Variants in ATIC observed in about 807,000 individuals in gnomAD.
ATIC encodes 5-aminoimidazole-4-carboxamide ribonucleotide formyltransferase/IMP cyclohydrolase.
Under a neutral mutation model 72.5 loss-of-function variants are expected in ATIC, and 64 were observed. That is an observed-to-expected ratio of 0.88 (90% CI 0.72 to 1.09). ATIC has a LOEUF of 1.09. ATIC is among the 50% of genes least tolerant of loss of function. ATIC has a pLI of 0.00. For missense variants in ATIC, 787 were observed against 732.4 expected, an observed-to-expected ratio of 1.07 and a Z score of -0.86; for synonymous variants, 281 against 267.1, an observed-to-expected ratio of 1.05 and a Z score of -0.51.
intron 12 of ATIC, among the ~76,000 whole-genome samples, chr2:215,339,943 T>A (rs2053001060): frequency 6.6e-6 from 1 of 151,862 alleles, no homozygotes; most frequent in South Asian, 2.1e-4. Flanking sequence ...GCCTTTATTA[T>A]TTTTTTTAAG....
chr2:215,328,140 C>T (rs2052850147), intron 7 of ATIC, among the ~76,000 whole-genome samples: 1 of 151,996 alleles, frequency 6.6e-6, no homozygotes, highest in African/African-American at 2.4e-5. Context: ...TCCCAGAGTG[C>T]TGGGATTACA....
Position 215,349,597 on chromosome 2 carries a change from C to A in ATIC, c.1721C>A (p.Ala574Asp), listed in dbSNP as rs764492905. 3.7e-6 allele frequency: 6 copies of A among 1,614,036 alleles called. No individual in the cohort carries two copies. Among genetic ancestry groups the A allele is most frequent in the Admixed American group, 1.7e-5 (1 of 59,994 alleles). The change falls in exon 16 of 16, where the codon GCC becomes GAC. Residue 574 changes from alanine (A) to aspartate (D), a missense_variant. Ala to Asp is a moderately radical substitution (Grantham distance 126). Coordinates refer to ENST00000236959, the MANE Select transcript of ATIC (RefSeq NM_004044.7). ...GSAADKVVIE[A>D]CDELGIILAH... ...GCTGCTGACAAAGTTGTGATTGAGG[C>A]CTGCGACGAACTGGGAATCATCCTC... is the stretch of plus-strand genomic sequence containing the variant.
At chr2:215,317,396 G>T (rs775061099) in intron 2 of ATIC, among the ~76,000 whole-genome samples, 3 of 152,070 alleles carry the variant, frequency 2.0e-5, no homozygotes, top group Non-Finnish European at 4.4e-5. Flanking sequence ...ATATATTTTT[G>T]TTTGGGTTTA....
chr2:215,342,782 C>T (rs1311345454), intron 12 of ATIC, among the ~76,000 whole-genome samples: 1 of 152,066 alleles, frequency 6.6e-6, no homozygotes, highest in Non-Finnish European at 1.5e-5. Flanking sequence ...CGGGTTCAAG[C>T]GATTCTCCTG....
intron 13 of ATIC, 116 bp from the exon 14 acceptor site, chr2:215,346,643 C>G (rs2053073291): frequency 8.4e-7 from 1 of 1,191,078 alleles, no homozygotes; most frequent in Admixed American, 1.7e-5. Context: ...TTATTTTGGC[C>G]TGATATGTTC....
the ATIC span, chr2:215,360,756 T>G: frequency 6.6e-6 from 1 of 152,632 alleles, no homozygotes; most frequent in Non-Finnish European, 1.5e-5. Context: ...AATCAACAAT[T>G]AGACTTGCAC....
chr2:215,327,403 G>T (rs2052841052), intron 7 of ATIC, among the ~76,000 whole-genome samples: 1 of 152,200 alleles, frequency 6.6e-6, no homozygotes, highest in Non-Finnish European at 1.5e-5. Context: ...TGCACATATT[G>T]TAAGAAGCCG....
chr2:215,339,838 G>A (rs1386380205), intron 12 of ATIC, among the ~76,000 whole-genome samples: 1 of 151,980 alleles, frequency 6.6e-6, no homozygotes, highest in Non-Finnish European at 1.5e-5. Flanking sequence ...GTGTTTCACT[G>A]TGTTAGCCAG....
At chr2:215,340,052 C>A (rs915820158) in intron 12 of ATIC, among the ~76,000 whole-genome samples, 1 of 152,088 alleles carries the variant, frequency 6.6e-6, no homozygotes, top group African/African-American at 2.4e-5. Context: ...TGCAGTGGTG[C>A]GATCATAGCT....
At chr2:215,365,008 T>C in the ATIC span, 9 of 1,447,086 alleles carry the variant, frequency 6.2e-6, no homozygotes, top group East Asian at 1.4e-4. Flanking sequence ...ACAAGACAGA[T>C]GCACGCATAA....
intron 2 of ATIC, among the ~76,000 whole-genome samples, chr2:215,317,470 A>T (rs1559266210): frequency 1.3e-5 from 2 of 151,936 alleles, no homozygotes; most frequent in African/African-American, 4.9e-5. Flanking sequence ...CTCACTTGAT[A>T]TGCCATCTTC....
the ATIC span, chr2:215,361,695 G>A: frequency 9.2e-5 from 111 of 1,208,982 alleles, no homozygotes; most frequent in East Asian, 2.0e-3. Flanking sequence ...AAAAAAATGC[G>A]GGGAGGTGGG....
At position 215,325,320 on chromosome 2, in the gene ATIC, A is replaced by G. The variant is rs2052811493; in HGVS notation, c.370A>G (p.Ile124Val). Residue 124 changes from isoleucine to valine, a missense_variant, in exon 5 of 16, where the codon ATT (isoleucine) becomes GTT (valine). Physicochemically the swap from Ile to Val is conservative, Grantham distance 29. Coordinates refer to ENST00000236959, the MANE Select transcript of ATIC (RefSeq NM_004044.7). ...AACTGTTGAGGAGGCTGTGGAGCAA[A>G]TTGACATTGGTAAGTCAGAAAAACC... ...GVTVEEAVEQ[I>V]DIGGVTLLRA... 2 of 1,612,892 alleles carry G rather than the reference A, an allele frequency of 1.2e-6. No homozygotes were observed. The highest frequency in any genetic ancestry group is 2.7e-5 in the African/African-American group (2 of 74,888).
chr2:215,346,781 A>C lies in ATIC; in HGVS notation c.1343A>C (p.Gln448Pro), dbSNP rs781187383. 1 of 1,614,184 alleles carries C rather than the reference A, an allele frequency of 6.2e-7. No homozygotes were observed. The highest frequency in any genetic ancestry group is 8.5e-7 in the Non-Finnish European group (1 of 1,180,030). ...NGQVIGIGAG[Q>P]QSRIHCTRLA... ...CAGGTTATCGGCATTGGAGCAGGAC[A>C]GCAGTCTCGTATACACTGCACTCGC... is the stretch of plus-strand genomic sequence containing the variant. The change falls in exon 14 of 16, where the codon CAG (glutamine) becomes CCG (proline). Residue 448 changes from glutamine (Q) to proline (P), a missense_variant. Coordinates refer to ENST00000236959, the MANE Select transcript of ATIC (RefSeq NM_004044.7).
downstream of ATIC, chr2:215,349,774 T>C: frequency 6.4e-7 from 1 of 1,553,850 alleles, no homozygotes; most frequent in East Asian, 2.2e-5. Context: ...ATCCATAGTT[T>C]TTGGTAGTTG....
rs1411668549 is a variant in ATIC at position 215,332,023 on chromosome 2, G to T, written c.689-359G>T. ...ACCTCAATTGTTTAATCTTAGTTCT[G>T]TATTTACATGAATTCCTGACTGATC... On this transcript the variant is annotated intron_variant, in intron 7 of 15. Coordinates refer to ENST00000236959, the MANE Select transcript of ATIC (RefSeq NM_004044.7). Among the ~76,000 whole-genome samples the T allele has an allele frequency of 2.0e-5, 3 of 151,948 alleles. No individual in the cohort carries two copies. The East Asian group carries it at 5.8e-4, about 29-fold the overall frequency.
chr2:215,362,082 G>A, the ATIC span: 7 of 1,610,102 alleles, frequency 4.3e-6, no homozygotes, highest in South Asian at 7.7e-5. Context: ...CGCCAGCCCT[G>A]AGAGAGTAGA....
rs140657850 is a variant in ATIC, at chr2:215,327,889, ATTT to A, written c.688+927_688+929del. Among the ~76,000 whole-genome samples, 1,370 of 146,428 alleles carry A rather than the reference ATTT, an allele frequency of 9.4e-3. 4 individuals carry two copies. The highest frequency in any genetic ancestry group is 0.021 in the Admixed American group (318 of 14,796). Reference sequence around the variant, plus strand: ...CGTTCTATTGTTCTGCCTCAGATAGATTTTTTTTTTTTTTTTTTAAATTAAGAC... The same window carrying A: ...CGTTCTATTGTTCTGCCTCAGATAGATTTTTTTTTTTTTTTAAATTAAGAC... On this transcript the variant is annotated intron_variant, in intron 7 of 15. Transcript: ENST00000236959.
chr2:215,327,025 G>T (rs1409272525), intron 7 of ATIC, 47 bp downstream of exon 7: 1 of 1,612,692 alleles, frequency 6.2e-7, no homozygotes, highest in African/African-American at 1.3e-5. Flanking sequence ...CCTGGAGAGT[G>T]TGTGTTTCTC....
Sources: gnomAD v4.1 joint callset for allele counts (sites outside exome capture counted in the v4.1 genomes callset) on GRCh38, gnomAD v4.1.1 for gene constraint, MANE v1.5 for transcripts, NCBI Gene and HGNC (gene_info 2026-07-23, HGNC 2026-07-21) for gene names.